Variants in EXOC2 observed in about 807,000 individuals in gnomAD.
EXOC2 encodes exocyst complex component 2.
EXOC2 carries 70 observed loss-of-function variants against 131.8 expected under a neutral mutation model. That is an observed-to-expected ratio of 0.53 (90% CI 0.44 to 0.65). The LOEUF (loss-of-function observed/expected upper bound fraction) is 0.65, where lower values mean the gene tolerates loss of function less well. Among genes scored for constraint, EXOC2 ranks in the 30% least tolerant of loss-of-function variants. EXOC2 has a pLI of 0.00. For synonymous variants in EXOC2, 411 were observed against 398.4 expected, an observed-to-expected ratio of 1.03 and a Z score of -0.38; for missense variants, 923 against 1,108.6, an observed-to-expected ratio of 0.83 and a Z score of 2.38.
At chr6:530,090 G>A (rs1765990445) in intron 23 of EXOC2, among the ~76,000 whole-genome samples, 1 of 152,122 alleles carries the variant, frequency 6.6e-6, no homozygotes, top group Non-Finnish European at 1.5e-5. Flanking sequence ...CAAAGGACAA[G>A]AAAATGAGCA....
At chr6:660,850 A>C (rs1232584524) in intron 1 of EXOC2, among the ~76,000 whole-genome samples, 1 of 152,248 alleles carries the variant, frequency 6.6e-6, no homozygotes, top group Non-Finnish European at 1.5e-5. Flanking sequence ...TTATTAAGCT[A>C]ATCAAGGAGG....
intron 23 of EXOC2, among the ~76,000 whole-genome samples, chr6:521,578 T>G (rs1439982200): frequency 6.6e-6 from 1 of 151,960 alleles, no homozygotes; most frequent in Non-Finnish European, 1.5e-5. Flanking sequence ...CCCAGGCTGG[T>G]GTGCAGTGAT....
At chr6:500,956 G>C (rs1473909) in intron 23 of EXOC2, among the ~76,000 whole-genome samples, 74,220 of 149,020 alleles carry the variant, frequency 0.5, 19,381 homozygotes, top group East Asian at 0.65. Flanking sequence ...TACAAATAAG[G>C]ACACGGTTTT....
intron 1 of EXOC2, chr6:689,125 C>T (rs1282655719): frequency 6.6e-6 from 1 of 152,194 alleles, no homozygotes; most frequent in Non-Finnish European, 1.5e-5. Flanking sequence ...CTGGATCCAC[C>T]CTGAGCAGCT....
intron 17 of EXOC2, among the ~76,000 whole-genome samples, chr6:562,307 A>G (rs1561859590): frequency 6.6e-6 from 1 of 152,216 alleles, no homozygotes; most frequent in Non-Finnish European, 1.5e-5. Flanking sequence ...CATGAAGATG[A>G]TTTTTAAACC....
chr6:572,758 T>C, intron 12 of EXOC2, 114 bp from the exon 13 acceptor site: 2 of 1,329,758 alleles, frequency 1.5e-6, no homozygotes. Flanking sequence ...GCACTAGGAA[T>C]AGCCTGAGTC....
At chr6:532,153 A>G (rs1766124831) in intron 23 of EXOC2, among the ~76,000 whole-genome samples, 1 of 152,200 alleles carries the variant, frequency 6.6e-6, no homozygotes, top group Admixed American at 6.5e-5. Context: ...TGCCACTGTC[A>G]CTCACAATCA....
At chr6:610,227 A>T (rs1406974238) in intron 6 of EXOC2, 49 bp from the exon 7 acceptor site, 1 of 1,399,816 alleles carries the variant, frequency 7.1e-7, no homozygotes, top group Admixed American at 1.8e-5. Context: ...ATGGGTGGAG[A>T]TACATTAAAT....
intron 6 of EXOC2, among the ~76,000 whole-genome samples, chr6:615,271 T>C (rs940387033): frequency 5.9e-5 from 9 of 151,848 alleles, no homozygotes; most frequent in African/African-American, 1.7e-4. Context: ...CAGTCCCCCC[T>C]TGAAGCTACT....
In EXOC2 at chr6:637,801, T is replaced by C. The variant is rs1461209482; in HGVS notation, c.18A>G (p.Gln6=). 22 of 1,613,198 alleles carry C rather than the reference T, an allele frequency of 1.4e-5. No homozygotes were observed. Among genetic ancestry groups the C allele is most frequent in the Non-Finnish European group, 1.6e-5 (19 of 1,179,770 alleles). The change falls in exon 2 of 28, where the codon CAA becomes CAG. Residue 6 remains glutamine (Q), a synonymous_variant. Transcript: ENST00000230449. ...GAGAGATGCCGGTCACAAGGGGGGG[T>C]TGTCGTGATCGAGACATTGTGCTTT... is the stretch of plus-strand genomic sequence containing the variant. MSRSR[Q]PPLVTGISPN... is the part of the protein sequence containing the mutation.
At chr6:633,444 G>C (rs1278165229) in intron 2 of EXOC2, among the ~76,000 whole-genome samples, 1 of 152,174 alleles carries the variant, frequency 6.6e-6, no homozygotes, top group Non-Finnish European at 1.5e-5. Context: ...TAATAAAAGG[G>C]AAACTACTGC....
rs1192282197 is a variant in EXOC2 at position 501,242 on chromosome 6, CTATATATATTATATA to C, written c.2381-1557_2381-1543del. ...ATATATCTATATATATTATATATAT[CTATATATATTATATA>C]TATCTATATATTATATATATCTATA... On this transcript the variant is annotated intron_variant, in intron 23 of 27. Coordinates refer to ENST00000230449, the MANE Select transcript of EXOC2 (RefSeq NM_018303.6). Among the ~76,000 whole-genome samples the C allele has an allele frequency of 1.1e-3, 2 of 1,830 alleles. 1 individual carries two copies. Among genetic ancestry groups the C allele is most frequent in the Non-Finnish European group, 1.8e-3 (2 of 1,118 alleles). 1.2% of individuals were successfully genotyped at this position (1,830 alleles called of 152,430 possible). A position where few individuals can be genotyped will look rare whatever the true frequency, so the allele number is the denominator to read the frequency against.
At chr6:572,092 T>C (rs1408144282) in intron 13 of EXOC2, among the ~76,000 whole-genome samples, 1 of 152,178 alleles carries the variant, frequency 6.6e-6, no homozygotes, top group African/African-American at 2.4e-5. Context: ...CCAAGGGAAA[T>C]TGCATACTCT....
intron 3 of EXOC2, among the ~76,000 whole-genome samples, chr6:631,268 A>G (rs376659572): frequency 4.0e-4 from 61 of 152,332 alleles, no homozygotes; most frequent in East Asian, 3.7e-3. Flanking sequence ...GGCCGGGTGC[A>G]GTAGCTCACA....
In EXOC2 at chr6:564,661, G is replaced by A. The variant is rs1757874861; in HGVS notation, c.1551C>T (p.Thr517=). The A allele has an allele frequency of 6.2e-7, 1 of 1,609,258 alleles. No homozygotes were observed. The highest frequency in any genetic ancestry group is 1.1e-5 in the South Asian group (1 of 90,226). ...TGCTGAGGGGAAGCAGGGCTCCGCG[G>A]GTAAGCTTCACCAGGGAGTGCATTA... ...QEVMHSLVKL[T]RGALLPLSIR... Residue 517 remains threonine, a synonymous_variant, in exon 15 of 28, where the codon ACC becomes ACT. Transcript: ENST00000230449.
intron 1 of EXOC2, among the ~76,000 whole-genome samples, chr6:684,034 T>G (rs4960188): frequency 0.14 from 21,587 of 152,100 alleles, 1,700 homozygotes; most frequent in African/African-American, 0.2. Flanking sequence ...ACAGTGTTGC[T>G]CTCTCTCTCA....
chr6:622,959 G>A (rs1170763292), intron 4 of EXOC2, among the ~76,000 whole-genome samples: 1 of 152,202 alleles, frequency 6.6e-6, no homozygotes, highest in Non-Finnish European at 1.5e-5. Flanking sequence ...CTAGTGGAGG[G>A]CTCCAGGAGA....
At chr6:517,623 G>A (rs968225928) in intron 23 of EXOC2, among the ~76,000 whole-genome samples, 1 of 152,174 alleles carries the variant, frequency 6.6e-6, no homozygotes, top group African/African-American at 2.4e-5. Context: ...TACCAATGGT[G>A]CTAAAACCAT....
chr6:638,968 G>T (rs375774366), intron 1 of EXOC2, among the ~76,000 whole-genome samples: 2 of 14,252 alleles, frequency 1.4e-4, no homozygotes, highest in African/African-American at 2.9e-4. Flanking sequence ...TAATAAACCC[G>T]AGAACTCAAG....
Sources: gnomAD v4.1 joint callset for allele counts (sites outside exome capture counted in the v4.1 genomes callset) on GRCh38, gnomAD v4.1.1 for gene constraint, MANE v1.5 for transcripts, NCBI Gene and HGNC (gene_info 2026-07-23, HGNC 2026-07-21) for gene names.